The following ANKS1A variants were observed in gnomAD, a reference collection of about 807,000 sequenced individuals.
ANKS1A encodes ankyrin repeat and SAM domain-containing protein 1A.
ANKS1A carries 55 observed loss-of-function variants against 120.3 expected under a neutral mutation model. That is an observed-to-expected ratio of 0.46 (90% CI 0.37 to 0.57). The LOEUF (loss-of-function observed/expected upper bound fraction) is 0.57. Among genes scored for constraint, ANKS1A ranks in the 20% least tolerant of loss-of-function variants. ANKS1A has a pLI of 0.00. For synonymous variants in ANKS1A, 590 were observed against 604.7 expected (o/e 0.98, Z 0.36); for missense variants, 1,123 against 1,480.3 (o/e 0.76, Z 3.96).
intron 13 of ANKS1A, among the ~76,000 whole-genome samples, chr6:35,072,568 G>A (rs1379533051): frequency 1.3e-5 from 2 of 152,224 alleles, no homozygotes; most frequent in Non-Finnish European, 2.9e-5. Context: ...TTGGCACAGT[G>A]CCCGTGCTAT....
In ANKS1A at chr6:35,055,051, C is replaced by T. The variant is rs552270229; in HGVS notation, c.2077+886C>T. Among the ~76,000 whole-genome samples, 7 of 152,326 alleles carry T rather than the reference C, an allele frequency of 4.6e-5. No individual in the cohort carries two copies. The South Asian group carries it at 1.0e-3, about 23-fold the overall frequency. On this transcript the variant is annotated intron_variant, in intron 12 of 23. Coordinates refer to ENST00000360359, the MANE Select transcript of ANKS1A (RefSeq NM_015245.3). ...ATTGACCTGTCAGTCTCAAGTGACA[C>T]CTCTAGTTCCTCCATGGGCTTCTGT...
In ANKS1A at chr6:34,990,540, C is replaced by T. The variant is rs6918976; in HGVS notation, c.1302+1224C>T. On this transcript the variant is annotated intron_variant, in intron 9 of 23. Coordinates refer to ENST00000360359, the MANE Select transcript of ANKS1A (RefSeq NM_015245.3). ...GGAGAAGCCTAATAATAAGAATATT[C>T]AGTTGGGGCTGGTTCTCTGTAAATG... Among the ~76,000 whole-genome samples the T allele has an allele frequency of 7.8e-3, 1,098 of 140,928 alleles. 21 individuals are homozygous for T. Among genetic ancestry groups the T allele is most frequent in the African/African-American group, 0.027 (1,042 of 38,044 alleles). The allele number at this position is 140,928 out of a possible 152,430, so 92.5% of individuals were successfully genotyped here. A position where few individuals can be genotyped will look rare whatever the true frequency, so the allele number is the denominator to read the frequency against.
At chr6:34,976,946 A>G (rs969457590) in intron 3 of ANKS1A, among the ~76,000 whole-genome samples, 6 of 152,200 alleles carry the variant, frequency 3.9e-5, no homozygotes, top group African/African-American at 1.4e-4. Context: ...TAAAGCCACA[A>G]TACATTTATT....
intron 6 of ANKS1A, 51 bp downstream of exon 6, chr6:34,983,265 C>G: frequency 1.2e-6 from 2 of 1,611,308 alleles, no homozygotes; most frequent in Non-Finnish European, 1.7e-6. Flanking sequence ...CGAATTGAAC[C>G]AAGGCATTTG....
intron 1 of ANKS1A, among the ~76,000 whole-genome samples, chr6:34,895,780 C>CTTT (rs995285475): frequency 0.015 from 1,338 of 90,382 alleles, 103 homozygotes; most frequent in African/African-American, 0.022. Flanking sequence ...GAATGTCTTT[C>CTTT]TTTTTTTTTT....
chr6:35,029,847 A>G (rs1276270321), intron 11 of ANKS1A, among the ~76,000 whole-genome samples: 1 of 149,532 alleles, frequency 6.7e-6, no homozygotes, highest in Non-Finnish European at 1.5e-5. Context: ...ATATAGTTAC[A>G]TATTCTATAT....
rs1235261313 is a variant in ANKS1A, at chr6:34,890,719, A to G, written c.197+1120A>G. On this transcript the variant is annotated intron_variant, in intron 1 of 23. Transcript: ENST00000360359. ...GGGGTGCTTTGTTAGTGTGAGTTAA[A>G]TGTGTTAGTTCAGCAGCGCTTTCAT... Among the ~76,000 whole-genome samples, 3 of 152,160 alleles carry G rather than the reference A, an allele frequency of 2.0e-5. No homozygotes were observed. The East Asian group carries it at 5.8e-4, about 29-fold the overall frequency.
intron 14 of ANKS1A, 86 bp downstream of exon 14, chr6:35,078,742 GC>G: frequency 7.6e-7 from 1 of 1,316,442 alleles, no homozygotes; most frequent in Admixed American, 1.8e-5. Flanking sequence ...CAGGGGAGGA[GC>G]AGGGCTCCAG....
intron 13 of ANKS1A, among the ~76,000 whole-genome samples, chr6:35,069,749 G>A (rs1010625082): frequency 2.0e-5 from 3 of 151,818 alleles, no homozygotes; most frequent in Admixed American, 6.6e-5. Flanking sequence ...GTGTCAGTCC[G>A]GGTGTGGTGG....
At chr6:34,974,560 T>C (rs1159931913) in intron 3 of ANKS1A, among the ~76,000 whole-genome samples, 2 of 152,012 alleles carry the variant, frequency 1.3e-5, no homozygotes, top group Non-Finnish European at 2.9e-5. Context: ...TTTTTTTGTT[T>C]TTTGTTTTGG....
rs1777883719 is a variant in ANKS1A at position 35,084,894 on chromosome 6, G to T, written c.3132+636G>T. ...CAGAACTGACAGCCCACAGGCGGGGGTTCCCTCTAACCTGCAACAAAGCAT... is the reference window on the plus strand; with the variant it reads ...CAGAACTGACAGCCCACAGGCGGGGTTTCCCTCTAACCTGCAACAAAGCAT... On this transcript the variant is annotated intron_variant, in intron 21 of 23. Transcript: ENST00000360359. The surrounding 1 kb of genome is among the most constrained non-coding windows in gnomAD (Gnocchi z 4.8). Among the ~76,000 whole-genome samples, 1 of 152,210 alleles carries T rather than the reference G, an allele frequency of 6.6e-6. No individual in the cohort carries two copies. Among genetic ancestry groups the T allele is most frequent in the Non-Finnish European group, 1.5e-5 (1 of 68,034 alleles).
At position 34,996,806 on chromosome 6, in the gene ANKS1A, T is replaced by C. The variant is rs546522723; in HGVS notation, c.1423+2384T>C. Among the ~76,000 whole-genome samples the C allele has an allele frequency of 8.3e-4, 126 of 152,306 alleles. 1 individual carries two copies. Among genetic ancestry groups the C allele is most frequent in the Non-Finnish European group, 1.9e-4 (13 of 68,024 alleles). On this transcript the variant is annotated intron_variant, in intron 10 of 23. Coordinates refer to ENST00000360359, the MANE Select transcript of ANKS1A (RefSeq NM_015245.3). ...TCTATTTTTTTTGCTAAAAATTTTA[T>C]ATCTTTAGGTCTTACATTTAAATCT...
At chr6:34,986,807 G>A (rs2127531406) in intron 8 of ANKS1A, among the ~76,000 whole-genome samples, 1 of 152,362 alleles carries the variant, frequency 6.6e-6, no homozygotes, top group South Asian at 2.1e-4. Flanking sequence ...TGCATGTGCT[G>A]AGCACCACCA....
chr6:34,915,323 T>C (rs1482145942), intron 1 of ANKS1A, among the ~76,000 whole-genome samples: 1 of 152,146 alleles, frequency 6.6e-6, no homozygotes, highest in Non-Finnish European at 1.5e-5. Context: ...CGGGAAAAAG[T>C]GTAGACTTGC....
chr6:35,068,010 C>G (rs1253194839), intron 13 of ANKS1A, among the ~76,000 whole-genome samples: 2 of 151,396 alleles, frequency 1.3e-5, no homozygotes. Flanking sequence ...TCTCCTGCCT[C>G]GGCCTCCTGT....
rs1416231895 is a variant in ANKS1A at position 35,082,179 on chromosome 6, T to G, written c.2710-512T>G. On this transcript the variant is annotated intron_variant, in intron 17 of 23. Coordinates refer to ENST00000360359, the MANE Select transcript of ANKS1A (RefSeq NM_015245.3). The surrounding 1 kb of genome is among the most constrained non-coding windows in gnomAD (Gnocchi z 4.1). ...CCATGATCTCTCACCTGGACCGCAG[T>G]GGCCTCCCCCACCCCCTAGCTGCTG... Among the ~76,000 whole-genome samples, 1 of 152,054 alleles carries G rather than the reference T, an allele frequency of 6.6e-6. No homozygotes were observed. Among genetic ancestry groups the G allele is most frequent in the East Asian group, 1.9e-4 (1 of 5,172 alleles).
Position 35,082,716 on chromosome 6 carries a change from C to A in ANKS1A, c.2735C>A (p.Thr912Asn). ...GAGGAGCACCGTGAGGCCAAGCTGA[C>A]CCTGCGGCCCCCGAGCCTGGCAGCC... ...IQEEHREAKL[T>N]LRPPSLAAPY... The change falls in exon 18 of 24, where the codon ACC (threonine) becomes AAC (asparagine). Residue 912 changes from threonine (T) to asparagine (N), a missense_variant. Coordinates refer to ENST00000360359, the MANE Select transcript of ANKS1A (RefSeq NM_015245.3). This position sits in a 1 kb window ranked among gnomAD's most constrained non-coding sequence, Gnocchi z 4.1. 1 of 1,612,332 alleles carries A rather than the reference C, an allele frequency of 6.2e-7. No individual in the cohort carries two copies.
chr6:35,080,354 C>T (rs1181737073), intron 16 of ANKS1A, among the ~76,000 whole-genome samples: 2 of 152,188 alleles, frequency 1.3e-5, no homozygotes, highest in Admixed American at 6.5e-5. Context: ...TTGCTCCTGC[C>T]GGTAATTCCT....
rs1034110479 is a variant in ANKS1A, at chr6:35,082,970, G to C, written c.2835+154G>C. Among the ~76,000 whole-genome samples, 4 of 152,198 alleles carry C rather than the reference G, an allele frequency of 2.6e-5. No individual in the cohort carries two copies. Among genetic ancestry groups the C allele is most frequent in the Non-Finnish European group, 5.9e-5 (4 of 68,026 alleles). On this transcript the variant is annotated intron_variant, in intron 18 of 23. Coordinates refer to ENST00000360359, the MANE Select transcript of ANKS1A (RefSeq NM_015245.3). The surrounding 1 kb of genome is among the most constrained non-coding windows in gnomAD (Gnocchi z 4.1). ...GCCACTCTTGACAGCTAAGGCGAAG[G>C]GGTGGAGGCCTCTGGATCCTTTAGC...
Sources: allele counts gnomAD v4.1 joint callset (sites outside exome capture counted in the v4.1 genomes callset), GRCh38; gene constraint gnomAD v4.1.1; non-coding constraint Gnocchi (gnomAD v3.1); transcripts MANE v1.5; gene names NCBI Gene and HGNC (gene_info 2026-07-23, HGNC 2026-07-21).